CAMK2D: variants seen among roughly 807,000 people sequenced by gnomAD.
CAMK2D encodes the protein calcium/calmodulin-dependent protein kinase type II subunit delta.
CAMK2D carries 37 observed loss-of-function variants against 84.0 expected under a neutral mutation model. The ratio of observed to expected loss-of-function variants is 0.44; its 90% confidence interval spans 0.34 to 0.58. The LOEUF (loss-of-function observed/expected upper bound fraction) is 0.58. Ranked by LOEUF, CAMK2D falls within the 20% of genes least tolerant of loss-of-function variation. The pLI is 0.02. For synonymous variants in CAMK2D, 202 were observed against 212.5 expected (o/e 0.95, Z 0.43); for missense variants, 448 against 652.5 (o/e 0.69, Z 3.41).
intron 2 of CAMK2D, among the ~76,000 whole-genome samples, chr4:113,731,730 C>T (rs1245023414): frequency 3.3e-5 from 5 of 151,998 alleles, no homozygotes; most frequent in East Asian, 3.9e-4. Flanking sequence ...GGACTACAGG[C>T]GCGCGCCACT....
chr4:113,602,997 GC>G (rs1392260202), intron 4 of CAMK2D, among the ~76,000 whole-genome samples: 1 of 152,092 alleles, frequency 6.6e-6, no homozygotes, highest in Non-Finnish European at 1.5e-5. Context: ...TGAAGTCTCT[GC>G]CTGAAGGCCT....
chr4:113,707,200 T>C (rs2099462017), intron 2 of CAMK2D, among the ~76,000 whole-genome samples: 1 of 152,284 alleles, frequency 6.6e-6, no homozygotes, highest in South Asian at 2.1e-4. Context: ...GTTTCTTATT[T>C]TACTCATCAC....
At chr4:113,729,416 G>C (rs932473796) in intron 2 of CAMK2D, among the ~76,000 whole-genome samples, 2 of 152,156 alleles carry the variant, frequency 1.3e-5, no homozygotes. Context: ...AAGTGAACAT[G>C]AACTACACTG....
intron 2 of CAMK2D, among the ~76,000 whole-genome samples, chr4:113,677,814 AG>A (rs909799176): frequency 1.4e-4 from 21 of 152,162 alleles, no homozygotes; most frequent in African/African-American, 5.1e-4. Flanking sequence ...ATGTATACAG[AG>A]GAAAAAAATG....
intron 2 of CAMK2D, among the ~76,000 whole-genome samples, chr4:113,753,562 C>G (rs1242173198): frequency 6.6e-6 from 1 of 151,880 alleles, no homozygotes; most frequent in African/African-American, 2.4e-5. Context: ...GATAAAAGGT[C>G]TATGATTTCT....
chr4:113,751,400 C>T (rs928102976), intron 2 of CAMK2D, among the ~76,000 whole-genome samples: 1 of 152,112 alleles, frequency 6.6e-6, no homozygotes, highest in African/African-American at 2.4e-5. Context: ...GATAAATTTT[C>T]ACTTACTATA....
intron 2 of CAMK2D, among the ~76,000 whole-genome samples, chr4:113,737,659 C>T (rs572819063): frequency 6.6e-6 from 1 of 152,176 alleles, no homozygotes; most frequent in East Asian, 1.9e-4. Flanking sequence ...AATATTTTTC[C>T]ATAATATAAA....
intron 4 of CAMK2D, among the ~76,000 whole-genome samples, chr4:113,599,323 G>A (rs2098941578): frequency 6.6e-6 from 1 of 152,138 alleles, no homozygotes; most frequent in South Asian, 2.1e-4. Context: ...TTCATCAGCA[G>A]CACATTTAGG....
chr4:113,582,033 A>G (rs1181964924), intron 4 of CAMK2D, among the ~76,000 whole-genome samples: 1 of 152,124 alleles, frequency 6.6e-6, no homozygotes, highest in African/African-American at 2.4e-5. Context: ...TCTTTTGCAT[A>G]ACTCATTTTT....
Position 113,652,548 on chromosome 4 carries a change from T to C in CAMK2D, c.220+9165A>G, listed in dbSNP as rs149157294. Among the ~76,000 whole-genome samples the C allele has an allele frequency of 1.6e-4, 25 of 152,270 alleles. No individual in the cohort carries two copies. The East Asian group carries it at 4.6e-3, about 28-fold the overall frequency. ...CTTCTGGGCTCCCTAGCGACATGAG[T>C]TATTCTTCCCCATGGTGAGAAAAGG... On this transcript the variant is annotated intron_variant, in intron 3 of 20. Coordinates refer to ENST00000511664, the MANE Select transcript of CAMK2D (RefSeq NM_001321571.2).
At chr4:113,612,314 CT>C (rs1236621709) in intron 3 of CAMK2D, among the ~76,000 whole-genome samples, 4 of 152,156 alleles carry the variant, frequency 2.6e-5, no homozygotes, top group African/African-American at 7.2e-5. Context: ...ATTTCCTATT[CT>C]TTTTTTCCTT....
At chr4:113,636,834 T>C (rs752940170) in intron 3 of CAMK2D, among the ~76,000 whole-genome samples, 1 of 152,240 alleles carries the variant, frequency 6.6e-6, no homozygotes, top group East Asian at 1.9e-4. Context: ...CTTCAACATA[T>C]GAATTGGGGA....
At chr4:113,482,150 C>G (rs2097708110) in intron 16 of CAMK2D, among the ~76,000 whole-genome samples, 1 of 152,160 alleles carries the variant, frequency 6.6e-6, no homozygotes. Flanking sequence ...ACTCTATTCT[C>G]TGTTGAGAAT....
chr4:113,623,527 G>A (rs924658777), intron 3 of CAMK2D, among the ~76,000 whole-genome samples: 12 of 152,078 alleles, frequency 7.9e-5, no homozygotes, highest in Non-Finnish European at 1.6e-4. Context: ...AGATGGTATA[G>A]CCTACTACAC....
intron 4 of CAMK2D, among the ~76,000 whole-genome samples, chr4:113,585,733 ATATAGTACAGTATATAG>A (rs1438904599): frequency 1.4e-5 from 1 of 70,494 alleles, no homozygotes; most frequent in African/African-American, 5.1e-5. Flanking sequence ...TATAGATAGT[ATATAGTACAGTATATAG>A]TATAGTATAG....
chr4:113,691,578 C>T (rs2099387220), intron 2 of CAMK2D, among the ~76,000 whole-genome samples: 1 of 152,040 alleles, frequency 6.6e-6, no homozygotes, highest in South Asian at 2.1e-4. Context: ...CATGGTAAAA[C>T]ACCGTCTCTA....
chr4:113,578,514 C>T (rs540239576), intron 4 of CAMK2D, among the ~76,000 whole-genome samples: 2 of 152,176 alleles, frequency 1.3e-5, no homozygotes, highest in South Asian at 4.2e-4. Context: ...TCCCTCATTC[C>T]CTATTGGGTT....
At chr4:113,648,081 T>A (rs948037652) in intron 3 of CAMK2D, among the ~76,000 whole-genome samples, 2 of 152,216 alleles carry the variant, frequency 1.3e-5, no homozygotes, top group Non-Finnish European at 2.9e-5. Context: ...TAGTTAAAAT[T>A]TATAGTCTTC....
intron 16 of CAMK2D, among the ~76,000 whole-genome samples, chr4:113,499,430 C>G (rs6843759): frequency 0.6 from 90,806 of 152,010 alleles, 28,913 homozygotes; most frequent in African/African-American, 0.82. Context: ...GAGCTGACTG[C>G]CAAGTTGTGA....
Sources: gnomAD v4.1 joint callset for allele counts (sites outside exome capture counted in the v4.1 genomes callset) on GRCh38, gnomAD v4.1.1 for gene constraint, MANE v1.5 for transcripts, NCBI Gene and HGNC (gene_info 2026-07-23, HGNC 2026-07-21) for gene names.